GNB1: variants seen among roughly 807,000 people sequenced by gnomAD.
GNB1 encodes G protein subunit beta 1, also known as guanine nucleotide-binding protein G(I)/G(S)/G(T) subunit beta-1.
GNB1 carries 2 observed loss-of-function variants against 42.9 expected under a neutral mutation model. The observed-to-expected ratio is 0.05, with a 90% CI of 0.02 to 0.15. The LOEUF (loss-of-function observed/expected upper bound fraction) is 0.15. Among genes scored for constraint, GNB1 ranks in the 10% least tolerant of loss-of-function variants. GNB1 has a pLI of 1.00. For synonymous variants in GNB1, 183 were observed against 174.7 expected (o/e 1.05, Z -0.38); for missense variants, 193 against 462.2 (o/e 0.42, Z 5.34).
chr1:1,796,529 A>C (rs1420916617), intron 7 of GNB1, among the ~76,000 whole-genome samples: 1 of 152,262 alleles, frequency 6.6e-6, no homozygotes, highest in Non-Finnish European at 1.5e-5. Flanking sequence ...AGAAGTTCTC[A>C]GTAAATGGAG....
At chr1:1,813,354 G>A (rs1035384438) in intron 5 of GNB1, among the ~76,000 whole-genome samples, 5 of 151,966 alleles carry the variant, frequency 3.3e-5, no homozygotes, top group African/African-American at 4.8e-5. Context: ...CAAGTGATCC[G>A]CCCACCTCAG....
intron 10 of GNB1, chr1:1,788,209 G>A (rs953160332): frequency 1.3e-5 from 2 of 152,366 alleles, no homozygotes; most frequent in Non-Finnish European, 2.9e-5. Context: ...GTCATGTGAT[G>A]AGGGGGCCTT....
chr1:1,846,203 CAT>C (rs1647657176), intron 1 of GNB1, among the ~76,000 whole-genome samples: 1 of 150,608 alleles, frequency 6.6e-6, no homozygotes, highest in Non-Finnish European at 1.5e-5. Flanking sequence ...CACATGGTAA[CAT>C]ATAAATTAAA....
chr1:1,792,710 A>AG (rs1271646244), intron 8 of GNB1, among the ~76,000 whole-genome samples: 38 of 151,832 alleles, frequency 2.5e-4, no homozygotes, highest in South Asian at 6.2e-4. Context: ...AAAAAAAAAA[A>AG]AAAGAAAAAA....
chr1:1,872,340 A>G (rs1055638), intron 1 of GNB1, among the ~76,000 whole-genome samples: 84 of 152,302 alleles, frequency 5.5e-4, no homozygotes, highest in African/African-American at 1.9e-3. Context: ...ACGGCTTCCC[A>G]CTGCATCAAG....
intron 1 of GNB1, among the ~76,000 whole-genome samples, chr1:1,889,240 AT>A (rs774427405): frequency 6.6e-6 from 1 of 151,896 alleles, no homozygotes; most frequent in Non-Finnish European, 1.5e-5. Context: ...ATCATGAAAA[AT>A]AATCTTCATA....
chr1:1,879,278 G>A (rs534977333), intron 1 of GNB1, among the ~76,000 whole-genome samples: 1 of 152,284 alleles, frequency 6.6e-6, no homozygotes, highest in African/African-American at 2.4e-5. Context: ...AAGGACCCCA[G>A]GGGCTTTTGT....
In GNB1 at chr1:1,845,821, CCATA is replaced by C. The variant is rs1226527280; in HGVS notation, c.-95-6587_-95-6584del. Among the ~76,000 whole-genome samples the C allele has an allele frequency of 6.5e-3, 622 of 96,290 alleles. 8 individuals are homozygous for C. The highest frequency in any genetic ancestry group is 0.027 in the African/African-American group (594 of 21,998). 63.2% of individuals were successfully genotyped at this position (96,290 alleles called of 152,430 possible). On this transcript the variant is annotated intron_variant, in intron 1 of 11. Transcript: ENST00000378609. ...GCTGTAGAATCATTTGTGTGTAAGT[CCATA>C]CACACACACACACACACACACACAC...
intron 5 of GNB1, among the ~76,000 whole-genome samples, chr1:1,810,144 C>A (rs1325295809): frequency 6.6e-6 from 1 of 152,058 alleles, no homozygotes; most frequent in Non-Finnish European, 1.5e-5. Flanking sequence ...CGGCTAACTG[C>A]AAGCTCTGCC....
At position 1,891,079 on chromosome 1, in the gene GNB1, CG is replaced by C. The variant is rs148549723; in HGVS notation, c.-356del. On this transcript the variant is annotated 5_prime_UTR_variant, in exon 1 of 12. Coordinates refer to ENST00000378609, the MANE Select transcript of GNB1 (RefSeq NM_002074.5). ...CCTCCAGCCATCGGGATGGGCGCGGCGGGCCCCTGCCCGCAGCCTCGGAAAA... is the reference window on the plus strand; with the variant it reads ...CCTCCAGCCATCGGGATGGGCGCGGCGGCCCCTGCCCGCAGCCTCGGAAAA... The C allele has an allele frequency of 1.3e-5, 2 of 151,484 alleles. No individual in the cohort carries two copies. The highest frequency in any genetic ancestry group is 3.9e-4 in the East Asian group (2 of 5,140). 9.4% of individuals were successfully genotyped at this position (151,484 alleles called of 1,614,324 possible). A position where few individuals can be genotyped will look rare whatever the true frequency, so the allele number is the denominator to read the frequency against.
chr1:1,828,457 C>T (rs1295018662), intron 2 of GNB1, among the ~76,000 whole-genome samples: 2 of 152,076 alleles, frequency 1.3e-5, no homozygotes, highest in Admixed American at 6.6e-5. Flanking sequence ...ACATATTATA[C>T]AAGAACATGT....
At chr1:1,872,827 C>A (rs1285090041) in intron 1 of GNB1, among the ~76,000 whole-genome samples, 1 of 152,210 alleles carries the variant, frequency 6.6e-6, no homozygotes, top group East Asian at 1.9e-4. Flanking sequence ...CGGTACTCAA[C>A]CATCACCAAG....
chr1:1,792,655 G>A (rs967727659), intron 8 of GNB1, among the ~76,000 whole-genome samples: 2 of 138,456 alleles, frequency 1.4e-5, no homozygotes, highest in Non-Finnish European at 1.5e-5. Context: ...CCGAGATCAC[G>A]CCACTCCACT....
At chr1:1,872,098 C>G (rs971067937) in intron 1 of GNB1, among the ~76,000 whole-genome samples, 1 of 151,714 alleles carries the variant, frequency 6.6e-6, no homozygotes, top group Non-Finnish European at 1.5e-5. Context: ...AACTCCTGGG[C>G]TGAAGCGATG....
chr1:1,804,285 C>T (rs549065149), intron 7 of GNB1, 134 bp downstream of exon 7: 126 of 621,148 alleles, frequency 2.0e-4, no homozygotes, highest in South Asian at 7.9e-4. Context: ...GGTGACAGAG[C>T]GAGACTCCGC....
chr1:1,881,062 G>GGAGAAAGTATAAGGCCTGCCGTAC (rs1649819295), intron 1 of GNB1, among the ~76,000 whole-genome samples: 1 of 152,100 alleles, frequency 6.6e-6, no homozygotes. Context: ...AGGACAGGGA[G>GGAGAAAGTATAAGGCCTGCCGTAC]GAGAAAGTAT....
chr1:1,888,859 G>A (rs1650306264), intron 1 of GNB1, among the ~76,000 whole-genome samples: 1 of 152,086 alleles, frequency 6.6e-6, no homozygotes, highest in Admixed American at 6.6e-5. Context: ...AGAAAGTTCT[G>A]CCTTAGCATA....
At chr1:1,855,237 C>T (rs1463174334) in intron 1 of GNB1, among the ~76,000 whole-genome samples, 6 of 149,644 alleles carry the variant, frequency 4.0e-5, no homozygotes, top group African/African-American at 9.9e-5. Context: ...AAGAGAATCA[C>T]TTGAACCGGG....
intron 3 of GNB1, among the ~76,000 whole-genome samples, chr1:1,822,897 A>T (rs1479705985): frequency 6.6e-6 from 1 of 152,164 alleles, no homozygotes; most frequent in East Asian, 1.9e-4. Context: ...AATTTCTTCA[A>T]ATATGCCAAA....
Sources: allele counts gnomAD v4.1 joint callset (sites outside exome capture counted in the v4.1 genomes callset), GRCh38; gene constraint gnomAD v4.1.1; transcripts MANE v1.5; gene names NCBI Gene and HGNC (gene_info 2026-07-23, HGNC 2026-07-21).